PPM1B: variants seen among roughly 807,000 people sequenced by gnomAD.
PPM1B encodes protein phosphatase, Mg2+/Mn2+ dependent 1B, also known as protein phosphatase 1B.
A neutral mutation model predicts 43.0 loss-of-function variants in PPM1B; 22 were observed. The ratio of observed to expected loss-of-function variants is 0.51; its 90% CI spans 0.37 to 0.73. PPM1B has a LOEUF of 0.73. PPM1B is among the 30% of genes least tolerant of loss of function. The probability of loss-of-function intolerance (pLI) is 0.00; values close to 1 mark genes in which losing one functional copy is unlikely to be tolerated. For missense variants in PPM1B, 632 were observed against 584.2 expected (o/e 1.08, Z -0.84); for synonymous variants, 217 against 197.9 (o/e 1.10, Z -0.81).
intron 3 of PPM1B, among the ~76,000 whole-genome samples, chr2:44,212,319 C>G (rs1383053028): frequency 6.6e-6 from 1 of 152,090 alleles, no homozygotes; most frequent in Non-Finnish European, 1.5e-5. Context: ...ACTGTCAACC[C>G]AACAAATCTG....
chr2:44,188,868 T>A, intron 1 of PPM1B, among the ~76,000 whole-genome samples: 1 of 139,314 alleles, frequency 7.2e-6, no homozygotes, highest in East Asian at 2.5e-4. Flanking sequence ...TGGGATCACA[T>A]AGCAACAGAG....
At chr2:44,209,609 C>A (rs1299243477) in intron 3 of PPM1B, among the ~76,000 whole-genome samples, 1 of 152,052 alleles carries the variant, frequency 6.6e-6, no homozygotes, top group Non-Finnish European at 1.5e-5. Flanking sequence ...AACCCCGTCT[C>A]TGCTAAAAAT....
At chr2:44,218,895 C>G (rs772728667) in intron 5 of PPM1B, 5 of 465,386 alleles carry the variant, frequency 1.1e-5, no homozygotes, top group Non-Finnish European at 2.2e-5. Context: ...CAGGCTGCTG[C>G]CATCACCAGA....
intron 5 of PPM1B, among the ~76,000 whole-genome samples, chr2:44,222,700 A>G (rs781687514): frequency 1.6e-4 from 24 of 152,206 alleles, no homozygotes; most frequent in Admixed American, 3.3e-4. Flanking sequence ...TCTGACTCCT[A>G]TTCTCTTTAC....
chr2:44,182,530 G>A (rs1344520975), intron 1 of PPM1B, among the ~76,000 whole-genome samples: 2 of 152,040 alleles, frequency 1.3e-5, no homozygotes, highest in Admixed American at 1.3e-4. Context: ...CAAAGTACTG[G>A]GATTACAGGA....
At chr2:44,200,980 T>G (rs373834107) in intron 1 of PPM1B, among the ~76,000 whole-genome samples, 1 of 152,342 alleles carries the variant, frequency 6.6e-6, no homozygotes, top group South Asian at 2.1e-4. Context: ...TTAATTGGTC[T>G]GATTATTCTT....
At chr2:44,172,757 G>A (rs553791521) in intron 1 of PPM1B, among the ~76,000 whole-genome samples, 2 of 152,170 alleles carry the variant, frequency 1.3e-5, no homozygotes, top group East Asian at 3.9e-4. Flanking sequence ...AAAAAATAAA[G>A]TTAGCTGGGC....
intron 5 of PPM1B, among the ~76,000 whole-genome samples, chr2:44,241,855 A>ATTTTTTTTTTTTTT (rs1308907282): frequency 3.0e-5 from 1 of 32,852 alleles, no homozygotes; most frequent in African/African-American, 1.3e-4. Context: ...TTAGAAAATA[A>ATTTTTTTTTTTTTT]TCTTTTTTTT....
Position 44,201,231 on chromosome 2 carries a change from A to G in PPM1B, c.32A>G (p.Glu11Gly), listed in dbSNP as rs1399477189. 6.3e-7 allele frequency: 1 copy of G among 1,597,720 alleles called. No individual in the cohort carries two copies. Among genetic ancestry groups the G allele is most frequent in the Non-Finnish European group, 8.5e-7 (1 of 1,169,834 alleles). The change falls in exon 2 of 6, where the codon GAA becomes GGA. Residue 11 changes from glutamate to glycine, a missense_variant. Glu to Gly is a moderately conservative substitution (Grantham distance 98). Around this residue, in one of 3 missense-constraint regions of PPM1B, gnomAD observed 200 missense variants for 200.7 expected, o/e 1.00. Transcript: ENST00000282412. The surrounding 1 kb of genome is among the most constrained non-coding windows in gnomAD (Gnocchi z 5.4). MGAFLDKPKT[E>G]KHNAHGAGNG... is the part of the protein sequence containing the mutation. ...GCATTTTTGGATAAACCCAAAACTGAAAAACATAATGCTCATGGTGCTGGG... is the reference window on the plus strand; with the variant it reads ...GCATTTTTGGATAAACCCAAAACTGGAAAACATAATGCTCATGGTGCTGGG...
chr2:44,189,568 A>G (rs1668305517), intron 1 of PPM1B, among the ~76,000 whole-genome samples: 2 of 151,992 alleles, frequency 1.3e-5, no homozygotes, highest in Non-Finnish European at 2.9e-5. Flanking sequence ...GGTTCAAGCA[A>G]TTCTCCTGCC....
downstream of PPM1B, among the ~76,000 whole-genome samples, chr2:44,246,651 ACATTCTTTG>A (rs1235636657): frequency 5.9e-5 from 9 of 152,224 alleles, no homozygotes; most frequent in Non-Finnish European, 1.5e-5. Context: ...ATAGGATTTT[ACATTCTTTG>A]CAGAAGTCAC....
chr2:44,239,179 CAAAAA>C (rs1193340508), downstream of PPM1B, among the ~76,000 whole-genome samples: 67 of 89,632 alleles, frequency 7.5e-4, no homozygotes, highest in African/African-American at 2.4e-3. Context: ...GTCTCTAATA[CAAAAA>C]AAAAAAAAAA....
intron 3 of PPM1B, among the ~76,000 whole-genome samples, chr2:44,213,507 G>C (rs907422692): frequency 6.6e-6 from 1 of 152,092 alleles, no homozygotes; most frequent in Non-Finnish European, 1.5e-5. Context: ...GAAGTGTGAA[G>C]ATGTGTGATT....
chr2:44,228,339 C>T (rs1466604340), intron 5 of PPM1B, among the ~76,000 whole-genome samples: 3 of 151,902 alleles, frequency 2.0e-5, no homozygotes, highest in Non-Finnish European at 4.4e-5. Flanking sequence ...GGGCGTGTTC[C>T]TTTTAAACAT....
intron 1 of PPM1B, among the ~76,000 whole-genome samples, chr2:44,184,052 A>T (rs1199223459): frequency 6.6e-6 from 1 of 152,046 alleles, no homozygotes; most frequent in Non-Finnish European, 1.5e-5. Flanking sequence ...TCTTAGTTTT[A>T]CCACTTGATA....
At chr2:44,188,399 T>C (rs1668231681) in intron 1 of PPM1B, among the ~76,000 whole-genome samples, 1 of 146,992 alleles carries the variant, frequency 6.8e-6, no homozygotes, top group East Asian at 2.0e-4. Context: ...CTTTCTTTTT[T>C]TTTTTTTTTT....
intron 1 of PPM1B, among the ~76,000 whole-genome samples, chr2:44,186,411 G>A (rs1487832729): frequency 6.6e-6 from 1 of 152,022 alleles, no homozygotes; most frequent in African/African-American, 2.4e-5. Context: ...CTCTGTCATC[G>A]AGGCTGGAAC....
chr2:44,195,395 A>G (rs1276651607), intron 1 of PPM1B, among the ~76,000 whole-genome samples: 2 of 151,730 alleles, frequency 1.3e-5, no homozygotes, highest in African/African-American at 4.8e-5. Context: ...TTTTTTTGGT[A>G]GAGATAGGGT....
rs1459245450 is a variant in PPM1B, at chr2:44,231,066, A to T, written c.*348A>T. 1.1e-6 allele frequency: 1 copy of T among 909,932 alleles called. No homozygotes were observed. The highest frequency in any genetic ancestry group is 1.3e-6 in the Non-Finnish European group (1 of 757,188). The allele number at this position is 909,932 out of a possible 1,614,324, so 56.4% of individuals were successfully genotyped here. The stretch of plus-strand genomic sequence containing the variant: ...ATATTATGGAAAAACTTGTTAATGT[A>T]GAATTATACTGCTTCATATTATTTT... On this transcript the variant is annotated 3_prime_UTR_variant, in exon 6 of 6. Transcript: ENST00000282412.
Sources: gnomAD v4.1 joint callset for allele counts (sites outside exome capture counted in the v4.1 genomes callset) on GRCh38, gnomAD v4.1.1 for gene constraint, gnomAD v4.1.1 regional missense constraint, Gnocchi (gnomAD v3.1) non-coding constraint, MANE v1.5 for transcripts, NCBI Gene and HGNC (gene_info 2026-07-23, HGNC 2026-07-21) for gene names.